Variants in LNX1 observed in about 807,000 individuals in gnomAD.
LNX1 encodes E3 ubiquitin-protein ligase LNX.
LNX1 carries 54 observed loss-of-function variants against 68.4 expected under a neutral mutation model. The ratio of observed to expected loss-of-function variants is 0.79; its 90% CI spans 0.63 to 0.99. The LOEUF (loss-of-function observed/expected upper bound fraction) is 0.99. LNX1 is among the 50% of genes least tolerant of loss of function. The probability of loss-of-function intolerance (pLI) is 0.00; values close to 1 mark genes in which losing one functional copy is unlikely to be tolerated. For missense variants in LNX1, 906 were observed against 926.4 expected (o/e 0.98, Z 0.29); for synonymous variants, 336 against 350.0 (o/e 0.96, Z 0.45).
At chr4:53,463,779 A>T (rs1722399706) in intron 9 of LNX1, among the ~76,000 whole-genome samples, 1 of 152,044 alleles carries the variant, frequency 6.6e-6, no homozygotes, top group South Asian at 2.1e-4. Flanking sequence ...AAATGAGTTA[A>T]TAAGTATGCT....
chr4:53,600,825 G>T (rs2109834586), intron 2 of LNX1, among the ~76,000 whole-genome samples: 1 of 150,988 alleles, frequency 6.6e-6, no homozygotes, highest in South Asian at 2.1e-4. Context: ...CCAGCTCCTG[G>T]GTTCAAGCGA....
At chr4:53,470,085 A>G (rs1321773980) in intron 9 of LNX1, among the ~76,000 whole-genome samples, 4 of 152,230 alleles carry the variant, frequency 2.6e-5, no homozygotes, top group African/African-American at 9.6e-5. Context: ...CAATGCAAAA[A>G]TCCTCAGTAA....
chr4:53,531,440 A>C (rs1370880726), intron 2 of LNX1, among the ~76,000 whole-genome samples: 1 of 152,216 alleles, frequency 6.6e-6, no homozygotes, highest in African/African-American at 2.4e-5. Flanking sequence ...ATAATCTTGA[A>C]ATTCGATGGC....
At chr4:53,544,281 G>A (rs1354850428) in intron 2 of LNX1, among the ~76,000 whole-genome samples, 1 of 151,860 alleles carries the variant, frequency 6.6e-6, no homozygotes, top group Non-Finnish European at 1.5e-5. Flanking sequence ...TGCAGCCTCT[G>A]CCTTCCAGGT....
chr4:53,499,184 T>TTG (rs1725295488), intron 4 of LNX1, among the ~76,000 whole-genome samples: 1 of 152,206 alleles, frequency 6.6e-6, no homozygotes, highest in African/African-American at 2.4e-5. Flanking sequence ...TGTTTCTGTT[T>TTG]TTTGAGACAG....
intron 9 of LNX1, among the ~76,000 whole-genome samples, chr4:53,476,523 C>G (rs1249485450): frequency 6.6e-6 from 1 of 152,172 alleles, no homozygotes; most frequent in Non-Finnish European, 1.5e-5. Flanking sequence ...GCTCCTCAAC[C>G]TGAACGCCAA....
In LNX1 at chr4:53,633,914, C is replaced by A. The variant is rs138540976; in HGVS notation, c.-215+18254G>T. On this transcript the variant is annotated intron_variant, in intron 1 of 2. Transcript: ENST00000507168. The stretch of plus-strand genomic sequence containing the variant: ...CCGACAGTGAAATGTGTGCCAGCTA[C>A]TTCACAAAGGGTCTCCTAGAGTTCC... Among the ~76,000 whole-genome samples the A allele has an allele frequency of 3.3e-3, 508 of 152,278 alleles. 2 individuals carry two copies. The highest frequency in any genetic ancestry group is 0.012 in the African/African-American group (496 of 41,546).
chr4:53,461,399 TTA>T (rs760398788), intron 10 of LNX1, 34 bp downstream of exon 10: 5 of 1,517,376 alleles, frequency 3.3e-6, no homozygotes, highest in Non-Finnish European at 4.5e-6. Context: ...GAAACAACAT[TTA>T]ATACAAGTAT....
intron 1 of LNX1, among the ~76,000 whole-genome samples, chr4:53,628,540 G>A (rs114373398): frequency 3.3e-5 from 5 of 152,156 alleles, no homozygotes; most frequent in African/African-American, 1.2e-4. Context: ...GGAATGTAAA[G>A]CACAACCTCT....
intron 9 of LNX1, among the ~76,000 whole-genome samples, chr4:53,467,444 C>A (rs1245298538): frequency 5.3e-5 from 8 of 152,190 alleles, no homozygotes; most frequent in African/African-American, 1.9e-4. Context: ...CTCTCCTCCT[C>A]CAAAGGAATG....
intron 9 of LNX1, among the ~76,000 whole-genome samples, chr4:53,475,967 CT>C (rs1723535160): frequency 6.6e-6 from 1 of 152,166 alleles, no homozygotes; most frequent in Admixed American, 6.5e-5. Context: ...GCGAAGTGCT[CT>C]GGGGCATTGT....
intron 1 of LNX1, among the ~76,000 whole-genome samples, chr4:53,626,833 A>G (rs891058411): frequency 1.3e-5 from 2 of 152,218 alleles, no homozygotes; most frequent in African/African-American, 4.8e-5. Flanking sequence ...TATTAAGTTT[A>G]CTTTTGAAAT....
intron 1 of LNX1, among the ~76,000 whole-genome samples, chr4:53,581,060 G>T (rs923789223): frequency 2.2e-4 from 33 of 152,130 alleles, no homozygotes; most frequent in African/African-American, 7.2e-4. Flanking sequence ...AGGAAATGAA[G>T]CCTGCAGCTC....
intron 2 of LNX1, among the ~76,000 whole-genome samples, chr4:53,568,149 G>A (rs1487749897): frequency 2.6e-5 from 4 of 151,932 alleles, no homozygotes; most frequent in African/African-American, 2.4e-5. Flanking sequence ...CATTTTATGA[G>A]GCCAGCTTCA....
chr4:53,561,902 A>T (rs915341152), intron 2 of LNX1, among the ~76,000 whole-genome samples: 3 of 151,806 alleles, frequency 2.0e-5, no homozygotes, highest in African/African-American at 7.3e-5. Flanking sequence ...AACAAACCTG[A>T]ACGTTCTGTA....
upstream of LNX1, among the ~76,000 whole-genome samples, chr4:53,618,482 C>T (rs573008390): frequency 6.6e-6 from 1 of 152,278 alleles, no homozygotes; most frequent in East Asian, 1.9e-4. Flanking sequence ...CTGGAAATAT[C>T]CATTGAATTG....
chr4:53,485,396 G>A (rs1579389801), intron 6 of LNX1, among the ~76,000 whole-genome samples: 1 of 152,174 alleles, frequency 6.6e-6, no homozygotes, highest in Non-Finnish European at 1.5e-5. Context: ...CTTGCACATC[G>A]AATCAACTTG....
At chr4:53,510,666 C>T (rs1726263806) in intron 2 of LNX1, among the ~76,000 whole-genome samples, 1 of 152,184 alleles carries the variant, frequency 6.6e-6, no homozygotes. Flanking sequence ...TCCAACGTAA[C>T]AAATACTTGA....
intron 1 of LNX1, among the ~76,000 whole-genome samples, chr4:53,583,550 C>T (rs1240028920): frequency 1.6e-5 from 2 of 125,072 alleles, no homozygotes; most frequent in Admixed American, 1.6e-4. Flanking sequence ...CCCAAAAATA[C>T]AGAAAAAAAA....
Sources: gnomAD v4.1 joint callset for allele counts (sites outside exome capture counted in the v4.1 genomes callset) on GRCh38, gnomAD v4.1.1 for gene constraint, MANE v1.5 for transcripts, NCBI Gene and HGNC (gene_info 2026-07-23, HGNC 2026-07-21) for gene names.